The following RNF24 variants were observed in gnomAD, a reference collection of about 807,000 sequenced individuals.
The protein encoded by RNF24 is ring finger protein 24.
Under a neutral mutation model 20.0 loss-of-function variants are expected in RNF24, and 14 were observed. The ratio of observed to expected loss-of-function variants is 0.70; its 90% confidence interval spans 0.46 to 1.10. RNF24 has a LOEUF of 1.10. Among genes scored for constraint, RNF24 ranks in the 50% least tolerant of loss-of-function variants. The pLI, the probability that RNF24 is intolerant of heterozygous loss-of-function variation, is 0.00. For synonymous variants in RNF24, 45 were observed against 61.1 expected, an observed-to-expected ratio of 0.74 and a Z score of 1.23; for missense variants, 124 against 177.6, an observed-to-expected ratio of 0.70 and a Z score of 1.71.
intron 1 of RNF24, among the ~76,000 whole-genome samples, chr20:3,982,103 G>GTCTCTCTCCCTCTCTCTC (rs1979445915): frequency 7.3e-6 from 1 of 137,026 alleles, no homozygotes; most frequent in Admixed American, 7.3e-5. Flanking sequence ...GTGAGACCTC[G>GTCTCTCTCCCTCTCTCTC]TCTCTCTCTC....
chr20:4,011,862 T>C (rs1328849570), intron 1 of RNF24, among the ~76,000 whole-genome samples: 1 of 152,176 alleles, frequency 6.6e-6, no homozygotes, highest in East Asian at 1.9e-4. Flanking sequence ...AGTCTTCAAC[T>C]TCCAAAATAG....
chr20:3,936,563 A>G (rs987562147), intron 4 of RNF24, among the ~76,000 whole-genome samples: 2 of 152,200 alleles, frequency 1.3e-5, no homozygotes, highest in Non-Finnish European at 2.9e-5. Context: ...GGTAAAGGTA[A>G]AAATCCAGCA....
intron 1 of RNF24, among the ~76,000 whole-genome samples, chr20:3,997,402 T>C (rs1980971678): frequency 6.6e-6 from 1 of 152,048 alleles, no homozygotes; most frequent in Non-Finnish European, 1.5e-5. Flanking sequence ...AGATCATGGA[T>C]TCTAATTCTA....
chr20:3,935,584 T>C (rs914293), intron 4 of RNF24, among the ~76,000 whole-genome samples: 1 of 152,238 alleles, frequency 6.6e-6, no homozygotes, highest in African/African-American at 2.4e-5. Flanking sequence ...TTTGGCACTG[T>C]CCTTCTGTCA....
At chr20:4,013,904 T>C (rs909648543) in intron 1 of RNF24, among the ~76,000 whole-genome samples, 4 of 152,250 alleles carry the variant, frequency 2.6e-5, no homozygotes, top group African/African-American at 9.6e-5. Context: ...AGTTAACAAC[T>C]ATCTTGCAAA....
intron 1 of RNF24, among the ~76,000 whole-genome samples, chr20:3,991,077 G>A (rs1361861040): frequency 6.6e-6 from 1 of 152,034 alleles, no homozygotes; most frequent in Non-Finnish European, 1.5e-5. Context: ...ATCAGTGATT[G>A]AGCCTCTGAC....
At chr20:3,939,615 T>C (rs1375707033) in intron 4 of RNF24, among the ~76,000 whole-genome samples, 1 of 152,182 alleles carries the variant, frequency 6.6e-6, no homozygotes, top group Non-Finnish European at 1.5e-5. Flanking sequence ...TAGTAAGTTT[T>C]GAAATTGGAA....
chr20:3,995,903 T>C (rs1344224191), intron 1 of RNF24, among the ~76,000 whole-genome samples: 1 of 152,096 alleles, frequency 6.6e-6, no homozygotes, highest in African/African-American at 2.4e-5. Context: ...TCTTAAAGAA[T>C]CAAGACTTGC....
At chr20:3,980,889 A>C (rs1426221888) in intron 1 of RNF24, among the ~76,000 whole-genome samples, 1 of 149,424 alleles carries the variant, frequency 6.7e-6, no homozygotes, top group Non-Finnish European at 1.5e-5. Flanking sequence ...CTCCATTCTT[A>C]CACGGCAAAA....
chr20:3,936,932 G>T (rs1468583500), intron 4 of RNF24, among the ~76,000 whole-genome samples: 2 of 152,148 alleles, frequency 1.3e-5, no homozygotes, highest in African/African-American at 2.4e-5. Flanking sequence ...CGCCTCCTGG[G>T]TTCAAGTGAG....
chr20:3,982,299 T>G (rs1979477318), intron 1 of RNF24, among the ~76,000 whole-genome samples: 1 of 151,600 alleles, frequency 6.6e-6, no homozygotes, highest in African/African-American at 2.4e-5. Flanking sequence ...GGTAGAGGGT[T>G]GGGCGCAGTG....
At chr20:3,975,061 A>G (rs1978749237) in intron 1 of RNF24, among the ~76,000 whole-genome samples, 1 of 152,226 alleles carries the variant, frequency 6.6e-6, no homozygotes, top group African/African-American at 2.4e-5. Context: ...GGATAGACAC[A>G]TAAGTCAATG....
intron 1 of RNF24, among the ~76,000 whole-genome samples, chr20:3,980,953 T>TTG (rs1418730146): frequency 6.8e-6 from 1 of 146,838 alleles, no homozygotes; most frequent in African/African-American, 2.5e-5. Flanking sequence ...GTTGCACAAT[T>TTG]TGTGTGTGTG....
At chr20:3,966,316 A>C (rs2091257493) in intron 1 of RNF24, among the ~76,000 whole-genome samples, 1 of 152,138 alleles carries the variant, frequency 6.6e-6, no homozygotes, top group African/African-American at 2.4e-5. Flanking sequence ...AGCTTGGCCC[A>C]TCTATACTTC....
At chr20:3,994,931 A>G (rs555496803) in intron 1 of RNF24, among the ~76,000 whole-genome samples, 1 of 152,370 alleles carries the variant, frequency 6.6e-6, no homozygotes, top group South Asian at 2.1e-4. Context: ...GTAAAACAGC[A>G]ACAAGCTAAC....
intron 1 of RNF24, among the ~76,000 whole-genome samples, chr20:3,997,229 CAAAAA>C (rs1227396478): frequency 3.9e-5 from 2 of 51,234 alleles, no homozygotes. Flanking sequence ...GACTCCATCT[CAAAAA>C]AAAAAAAAAA....
intron 1 of RNF24, among the ~76,000 whole-genome samples, chr20:3,980,492 A>G (rs770972261): frequency 3.3e-4 from 50 of 152,330 alleles, no homozygotes; most frequent in Admixed American, 5.2e-4. Flanking sequence ...ACTACTCAGA[A>G]TGGTGAATAA....
At chr20:3,996,683 C>G (rs1980894498) in intron 1 of RNF24, among the ~76,000 whole-genome samples, 2 of 152,192 alleles carry the variant, frequency 1.3e-5, no homozygotes, top group Admixed American at 1.3e-4. Context: ...GCCAATGTAA[C>G]TGATGCACAT....
chr20:3,977,918 A>G (rs1265187223), intron 1 of RNF24, among the ~76,000 whole-genome samples: 1 of 152,046 alleles, frequency 6.6e-6, no homozygotes, highest in African/African-American at 2.4e-5. Flanking sequence ...ACACACAAAA[A>G]ACCCCAGAAA....
Sources: gnomAD v4.1 joint callset for allele counts (sites outside exome capture counted in the v4.1 genomes callset) on GRCh38, gnomAD v4.1.1 for gene constraint, MANE v1.5 for transcripts, NCBI Gene and HGNC (gene_info 2026-07-23, HGNC 2026-07-21) for gene names.